AMBRA1: variants seen among roughly 807,000 people sequenced by gnomAD.
AMBRA1 encodes activating molecule in BECN1-regulated autophagy protein 1.
A neutral mutation model predicts 125.4 loss-of-function variants in AMBRA1; 47 were observed. The ratio of observed to expected loss-of-function variants is 0.37; its 90% CI spans 0.30 to 0.48. The LOEUF (loss-of-function observed/expected upper bound fraction) is 0.48. Among genes scored for constraint, AMBRA1 ranks in the 20% least tolerant of loss-of-function variants. The pLI is 0.99. For missense variants in AMBRA1, 1,331 were observed against 1,693.4 expected, an observed-to-expected ratio of 0.79 and a Z score of 3.76; for synonymous variants, 626 against 655.5, an observed-to-expected ratio of 0.95 and a Z score of 0.69.
chr11:46,515,873 A>G (rs1412665447), intron 7 of AMBRA1, among the ~76,000 whole-genome samples: 2 of 152,044 alleles, frequency 1.3e-5, no homozygotes, highest in Non-Finnish European at 2.9e-5. Flanking sequence ...ATGGGGTTTC[A>G]CCATGTTGGT....
chr11:46,557,951 G>A (rs965564524), intron 1 of AMBRA1, among the ~76,000 whole-genome samples: 3 of 152,146 alleles, frequency 2.0e-5, no homozygotes, highest in Non-Finnish European at 4.4e-5. Flanking sequence ...CAGCCTGGGC[G>A]ACTGAGCAAG....
At chr11:46,447,682 C>G (rs924443201) in intron 11 of AMBRA1, among the ~76,000 whole-genome samples, 14 of 151,802 alleles carry the variant, frequency 9.2e-5, no homozygotes, top group Non-Finnish European at 1.9e-4. Flanking sequence ...TGCACTACAG[C>G]CTGGGTTACA....
chr11:46,567,785 T>G (rs1175944058), intron 1 of AMBRA1, among the ~76,000 whole-genome samples: 2 of 152,204 alleles, frequency 1.3e-5, no homozygotes, highest in East Asian at 3.8e-4. Flanking sequence ...CACATGTGCC[T>G]ATGATTGCAA....
At chr11:46,462,203 C>A (rs979780219) in intron 11 of AMBRA1, among the ~76,000 whole-genome samples, 1 of 152,140 alleles carries the variant, frequency 6.6e-6, no homozygotes, top group Non-Finnish European at 1.5e-5. Context: ...TAGGGATGCG[C>A]GTAAACAAGT....
At chr11:46,494,641 C>A in intron 9 of AMBRA1, 1 of 153,782 alleles carries the variant, frequency 6.5e-6, no homozygotes, top group Admixed American at 6.4e-5. Flanking sequence ...AAAATTCCCC[C>A]ACCAATTTCA....
At chr11:46,462,225 T>C (rs200417273) in intron 11 of AMBRA1, among the ~76,000 whole-genome samples, 3 of 152,174 alleles carry the variant, frequency 2.0e-5, no homozygotes, top group African/African-American at 7.2e-5. Flanking sequence ...AGCACGGCGG[T>C]GTAAGCACAC....
intron 11 of AMBRA1, among the ~76,000 whole-genome samples, chr11:46,481,116 C>T (rs1466014796): frequency 6.6e-6 from 1 of 152,178 alleles, no homozygotes; most frequent in Non-Finnish European, 1.5e-5. Flanking sequence ...ATCTCAAAAA[C>T]AAATGAGGAT....
intron 11 of AMBRA1, among the ~76,000 whole-genome samples, chr11:46,472,797 T>C (rs1949654837): frequency 6.6e-6 from 1 of 152,230 alleles, no homozygotes; most frequent in Non-Finnish European, 1.5e-5. Context: ...CCTTCGGAAC[T>C]ATGTCACTGA....
At chr11:46,414,011 C>T (rs1297632791) in intron 15 of AMBRA1, among the ~76,000 whole-genome samples, 2 of 152,308 alleles carry the variant, frequency 1.3e-5, no homozygotes, top group African/African-American at 2.4e-5. Context: ...TCACACCTGG[C>T]TTCCTCCACA....
At chr11:46,585,416 C>A (rs960687384) in intron 1 of AMBRA1, among the ~76,000 whole-genome samples, 1 of 150,182 alleles carries the variant, frequency 6.7e-6, no homozygotes. Context: ...ACTTGTAATC[C>A]CAGCACTTTG....
chr11:46,577,517 G>A (rs1169339613), intron 1 of AMBRA1, among the ~76,000 whole-genome samples: 1 of 152,088 alleles, frequency 6.6e-6, no homozygotes, highest in Admixed American at 6.6e-5. Context: ...TGCAGAGATG[G>A]TAATGTTTTG....
intron 11 of AMBRA1, among the ~76,000 whole-genome samples, chr11:46,469,252 T>C (rs1949470193): frequency 6.6e-6 from 1 of 152,244 alleles, no homozygotes; most frequent in Non-Finnish European, 1.5e-5. Flanking sequence ...ATGTGTTTTA[T>C]GCTGAACTCT....
intron 7 of AMBRA1, among the ~76,000 whole-genome samples, chr11:46,520,192 G>C (rs1336132830): frequency 6.6e-6 from 1 of 151,560 alleles, no homozygotes; most frequent in South Asian, 2.1e-4. Context: ...CATTTGTATG[G>C]GTTTCCACTA....
At chr11:46,561,539 G>A (rs2043337903) in intron 1 of AMBRA1, among the ~76,000 whole-genome samples, 1 of 152,150 alleles carries the variant, frequency 6.6e-6, no homozygotes, top group Non-Finnish European at 1.5e-5. Flanking sequence ...ATTCACAGAT[G>A]AGTCTGGAGC....
chr11:46,552,073 T>G (rs957384364), intron 1 of AMBRA1, among the ~76,000 whole-genome samples: 2 of 146,300 alleles, frequency 1.4e-5, no homozygotes, highest in African/African-American at 5.1e-5. Context: ...TAAATTAAAT[T>G]AAATATTAAA....
At chr11:46,525,884 C>T (rs1033707308) in intron 7 of AMBRA1, among the ~76,000 whole-genome samples, 35 of 151,978 alleles carry the variant, frequency 2.3e-4, no homozygotes, top group African/African-American at 8.4e-4. Flanking sequence ...TGCACTCCAG[C>T]CTGGGTGACA....
intron 7 of AMBRA1, among the ~76,000 whole-genome samples, chr11:46,514,764 T>G (rs1313845437): frequency 2.0e-5 from 3 of 152,134 alleles, no homozygotes; most frequent in Non-Finnish European, 4.4e-5. Context: ...CATAAGTCAC[T>G]GTGCCTGCCC....
chr11:46,536,471 T>C (rs1324754957), intron 7 of AMBRA1, among the ~76,000 whole-genome samples: 4 of 146,656 alleles, frequency 2.7e-5, no homozygotes, highest in Admixed American at 2.7e-4. Context: ...CCAAAGAAAC[T>C]GGGAGAGATT....
intron 17 of AMBRA1, among the ~76,000 whole-genome samples, chr11:46,401,579 G>C (rs1945762066): frequency 6.6e-6 from 1 of 152,152 alleles, no homozygotes; most frequent in South Asian, 2.1e-4. Flanking sequence ...GGCTGCCTTG[G>C]GGCCCTATGG....
Sources: gnomAD v4.1 joint callset for allele counts (sites outside exome capture counted in the v4.1 genomes callset) on GRCh38, gnomAD v4.1.1 for gene constraint, MANE v1.5 for transcripts, NCBI Gene and HGNC (gene_info 2026-07-23, HGNC 2026-07-21) for gene names.